The following CAMTA2 variants were observed in gnomAD, a reference collection of about 807,000 sequenced individuals.
CAMTA2 encodes the protein calmodulin binding transcription activator 2, also known as calmodulin-binding transcription activator 2.
In CAMTA2, 56 loss-of-function variants were observed where a neutral mutation model predicts 135.7. The ratio of observed to expected loss-of-function variants is 0.41; its 90% CI spans 0.33 to 0.52. The LOEUF is 0.52. Among genes scored for constraint, CAMTA2 ranks in the 20% least tolerant of loss-of-function variants. The pLI, the probability that CAMTA2 is intolerant of heterozygous loss-of-function variation, is 0.16. For missense variants in CAMTA2, 1,358 were observed against 1,553.4 expected, an observed-to-expected ratio of 0.87 and a Z score of 2.11; for synonymous variants, 591 against 604.6, an observed-to-expected ratio of 0.98 and a Z score of 0.33.
chr17:4,986,484 G>A (rs2286010), intron 1 of CAMTA2, 198 bp from the exon 2 acceptor site: 31,972 of 562,692 alleles, frequency 0.057, 1,617 homozygotes, highest in East Asian at 0.22. Context: ...TGAGCAGACT[G>A]GACAGGAAGA....
Position 4,970,340 on chromosome 17 carries a change from C to T in CAMTA2, c.3005G>A (p.Ser1002Asn). Residue 1002 changes from serine (S) to asparagine (N), a missense_variant and splice_region_variant, in exon 17 of 23, where the codon AGC becomes AAC. Ser to Asn is a conservative substitution (Grantham distance 46). Coordinates refer to ENST00000348066, the MANE Select transcript of CAMTA2 (RefSeq NM_015099.4). ...VDHFPSSTPP[S>N]ELPFERGRLA... ...GGAGGCTTTGTCCTGAGCTAGTCAC[C>T]TGGGAGGGGTTGAGCTGGGGAAATG... The T allele has an allele frequency of 6.2e-7, 1 of 1,614,172 alleles. No homozygotes were observed. The highest frequency in any genetic ancestry group is 8.5e-7 in the Non-Finnish European group (1 of 1,179,998).
intron 1 of CAMTA2, chr17:4,986,960 T>C: frequency 6.6e-7 from 1 of 1,513,104 alleles, no homozygotes; most frequent in Non-Finnish European, 8.8e-7. Context: ...CTACCCCATC[T>C]ACCGCTCTGG....
intron 1 of CAMTA2, chr17:4,987,226 G>A (rs1399019830): frequency 7.5e-7 from 1 of 1,341,516 alleles, no homozygotes; most frequent in Non-Finnish European, 9.5e-7. Context: ...CGGACGCTTG[G>A]CACTCTGGGC....
Position 4,968,676 on chromosome 17 carries a change from C to A in CAMTA2, c.*80G>T. ...TGAACAGGAAAGCTGCCGACAGGGG[C>A]TCCCCCTGCCCCAGAAAGCCCTCTC... On this transcript the variant is annotated 3_prime_UTR_variant, in exon 23 of 23. Transcript: ENST00000348066. 6.5e-7 allele frequency: 1 copy of A among 1,537,454 alleles called. No individual in the cohort carries two copies. The highest frequency in any genetic ancestry group is 8.9e-7 in the Non-Finnish European group (1 of 1,117,952).
In CAMTA2 at chr17:4,972,402, C is replaced by T. The variant is rs961833349; in HGVS notation, c.2638G>A (p.Ala880Thr). ...PASEMTMEDM[A>T]PGQLSSGVPE... ...ACACCAGAGGAAAGCTGGCCTGGGGCCATGTCCTCCATAGTCATCTCAGAG... is the reference window on the plus strand; with the variant it reads ...ACACCAGAGGAAAGCTGGCCTGGGGTCATGTCCTCCATAGTCATCTCAGAG... The change falls in exon 16 of 23, where the codon GCC becomes ACC. Residue 880 changes from alanine (A) to threonine (T), a missense_variant. Around this residue, in one of 4 missense-constraint regions of CAMTA2, gnomAD observed 1,077 missense variants for 1,127.5 expected, o/e 0.96. Transcript: ENST00000348066. 4.3e-6 allele frequency: 7 copies of T among 1,613,964 alleles called. No individual in the cohort carries two copies. The highest frequency in any genetic ancestry group is 5.9e-6 in the Non-Finnish European group (7 of 1,180,004).
At position 4,968,605 on chromosome 17, in the gene CAMTA2, A is replaced by G; in HGVS notation, c.*151T>C. On this transcript the variant is annotated 3_prime_UTR_variant, in exon 23 of 23. Coordinates refer to ENST00000348066, the MANE Select transcript of CAMTA2 (RefSeq NM_015099.4). ...GGACGAGGAGAGGGGTGTGGGAGCA[A>G]GGCGTGGGGAGGAGGGAGGAGGCCT... The G allele has an allele frequency of 1.3e-6, 1 of 763,764 alleles. No individual in the cohort carries two copies. Among genetic ancestry groups the G allele is most frequent in the Non-Finnish European group, 2.2e-6 (1 of 458,648 alleles). The allele number at this position is 763,764 out of a possible 1,614,324, so 47.3% of individuals were successfully genotyped here. A position where few individuals can be genotyped will look rare whatever the true frequency, so the allele number is the denominator to read the frequency against.
Position 4,980,358 on chromosome 17 carries a change from C to T in CAMTA2, c.964G>A (p.Gly322Ser). Residue 322 changes from glycine to serine, a missense_variant, in exon 9 of 23, where the codon GGC (glycine) becomes AGC (serine). Around this residue, in one of 4 missense-constraint regions of CAMTA2, gnomAD observed 1,077 missense variants for 1,127.5 expected, o/e 0.96. Coordinates refer to ENST00000348066, the MANE Select transcript of CAMTA2 (RefSeq NM_015099.4). The surrounding 1 kb of genome is among the most constrained non-coding windows in gnomAD (Gnocchi z 5.3). ...PTSRGGSSRG[G>S]TAILLLTGLE... ...CCTGTCAGGAGGAGGATAGCAGTGC[C>T]TCCTCTTGAAGAACCCCCTCGAGAA... is the stretch of plus-strand genomic sequence containing the variant. 6.2e-7 allele frequency: 1 copy of T among 1,614,104 alleles called. No individual in the cohort carries two copies. The highest frequency in any genetic ancestry group is 2.2e-5 in the East Asian group (1 of 44,866).
At position 4,969,366 on chromosome 17, in the gene CAMTA2, C is replaced by T. The variant is rs576629612; in HGVS notation, c.3283-29G>A. ...CAGGGGTGGGGAGGAGGGACAGGGG[C>T]TGAAATAGAGGGACGGAGACCCAAA... On this transcript the variant is annotated intron_variant, in intron 20 of 22. Coordinates refer to ENST00000348066, the MANE Select transcript of CAMTA2 (RefSeq NM_015099.4). The surrounding 1 kb of genome is among the most constrained non-coding windows in gnomAD (Gnocchi z 5.6). 6.2e-7 allele frequency: 1 copy of T among 1,612,448 alleles called. No homozygotes were observed. Among genetic ancestry groups the T allele is most frequent in the South Asian group, 1.1e-5 (1 of 91,032 alleles).
intron 3 of CAMTA2, 67 bp downstream of exon 3, chr17:4,985,813 C>T (rs1470491384): frequency 2.1e-6 from 2 of 956,102 alleles, no homozygotes; most frequent in Non-Finnish European, 3.4e-6. Flanking sequence ...ACGGAAAGAC[C>T]CCCCACTCAC....
In CAMTA2 at chr17:4,980,225, G is replaced by A. The variant is rs1017260468; in HGVS notation, c.1097C>T (p.Ala366Val). 5.7e-6 allele frequency: 9 copies of A among 1,576,646 alleles called. No homozygotes were observed. In the Admixed American group the frequency reaches 1.2e-4, roughly 22 times the overall value. The change falls in exon 9 of 23, where the codon GCC becomes GTC. Residue 366 changes from alanine to valine, a missense_variant. Transcript: ENST00000348066. The surrounding 1 kb of genome is among the most constrained non-coding windows in gnomAD (Gnocchi z 5.3). ...GGCAGGACTGGGAGGAGCTGGTGGG[G>A]CAGAAGGCTCAGTGCCTACAACCAC... ...LAVVVGTEPS[A>V]PPAPPSPAFD... is the part of the protein sequence containing the mutation.
Position 4,973,230 on chromosome 17 carries a change from T to G in CAMTA2, c.2225A>C (p.Asp742Ala). 1 of 1,613,836 alleles carries G rather than the reference T, an allele frequency of 6.2e-7. No individual in the cohort carries two copies. Among genetic ancestry groups the G allele is most frequent in the South Asian group, 1.1e-5 (1 of 91,072 alleles). The stretch of plus-strand genomic sequence containing the variant: ...GAGCGGGTCAACCTCCTGCTCTAAG[T>G]CCAAGCTTCCAGTCTCCACACTCCT... The part of the protein sequence containing the change: ...QWRSVETGSL[D>A]LEQEVDPLNV... Residue 742 changes from aspartate to alanine, a missense_variant, in exon 14 of 23, where the codon GAC (aspartate) becomes GCC (alanine). Asp to Ala is a moderately radical substitution (Grantham distance 126). Coordinates refer to ENST00000348066, the MANE Select transcript of CAMTA2 (RefSeq NM_015099.4).
At chr17:4,983,148 C>T in intron 3 of CAMTA2, 105 bp from the exon 4 acceptor site, 2 of 952,696 alleles carry the variant, frequency 2.1e-6, no homozygotes, top group Non-Finnish European at 3.4e-6. Flanking sequence ...GTTCTGGCAG[C>T]TAGTGGAGGA....
At chr17:4,975,065 TCTC>T (rs1042773872) in intron 11 of CAMTA2, among the ~76,000 whole-genome samples, 2 of 151,816 alleles carry the variant, frequency 1.3e-5, no homozygotes, top group East Asian at 1.9e-4. Context: ...CATGTCCATT[TCTC>T]CTCCTCCTCC....
rs1252147495 is a variant in CAMTA2, at chr17:4,968,071, A to G, written c.*685T>C. On this transcript the variant is annotated 3_prime_UTR_variant, in exon 23 of 23. Transcript: ENST00000348066. ...AGTAGAAAGTGCCCGTGGAGCCGGC[A>G]GGAGGCCCCCGCCGCGCTAGAGAAC... 5.9e-6 allele frequency: 3 copies of G among 512,584 alleles called. No homozygotes were observed. Among genetic ancestry groups the G allele is most frequent in the African/African-American group, 5.8e-5 (3 of 51,944 alleles). 31.8% of individuals were successfully genotyped at this position (512,584 alleles called of 1,614,324 possible).
chr17:4,969,429 C>G lies in CAMTA2; in HGVS notation c.3282+71G>C. 1 of 1,608,512 alleles carries G rather than the reference C, an allele frequency of 6.2e-7. No homozygotes were observed. The highest frequency in any genetic ancestry group is 8.5e-7 in the Non-Finnish European group (1 of 1,174,950). ...ACCCAAGTTAGGCTGATGCAAGACT[C>G]TCTGTAACCCACACACTCAAGGAAA... On this transcript the variant is annotated intron_variant, in intron 20 of 22. Transcript: ENST00000348066. The surrounding 1 kb of genome is among the most constrained non-coding windows in gnomAD (Gnocchi z 5.6).
chr17:4,987,497 C>T (rs1316986215), intron 1 of CAMTA2, 96 bp downstream of exon 1: 2 of 1,424,532 alleles, frequency 1.4e-6, no homozygotes, highest in African/African-American at 1.5e-5. Flanking sequence ...GGAAGAGGGA[C>T]GGTGGTCCCT....
rs1176769570 is a variant in CAMTA2 at position 4,985,978 on chromosome 17, T to C, written c.37A>G (p.Ser13Gly). Residue 13 changes from serine to glycine, a missense_variant, in exon 3 of 23, where the codon AGC (serine) becomes GGC (glycine). Physicochemically the swap from Ser to Gly is moderately conservative, Grantham distance 56 (BLOSUM62 0). Transcript: ENST00000348066. The stretch of plus-strand genomic sequence containing the variant: ...GGGAGAAAGATCTTCAGGTGGTGGC[T>C]GTTTTCTAAAGGGAATTAGAAGGGA... Reference protein sequence around the residue: ...TKDTTEVAENSHHLKIFLPKK... With the variant: ...TKDTTEVAENGHHLKIFLPKK... 3 of 1,612,346 alleles carry C rather than the reference T, an allele frequency of 1.9e-6. No homozygotes were observed. Among genetic ancestry groups the C allele is most frequent in the Admixed American group, 1.7e-5 (1 of 59,986 alleles).
intron 5 of CAMTA2, 73 bp downstream of exon 5, chr17:4,982,684 G>A (rs1597773479): frequency 1.3e-6 from 2 of 1,545,120 alleles, no homozygotes; most frequent in Non-Finnish European, 1.8e-6. Context: ...CCAAGCCCAG[G>A]TCGGGCTAGA....
chr17:4,981,073 G>A, intron 8 of CAMTA2, 152 bp downstream of exon 8: 2 of 964,098 alleles, frequency 2.1e-6, no homozygotes, highest in Non-Finnish European at 3.2e-6. Context: ...GCACCCAGAT[G>A]GGAACGTCTG....
Sources: allele counts gnomAD v4.1 joint callset (sites outside exome capture counted in the v4.1 genomes callset), GRCh38; gene constraint gnomAD v4.1.1; regional missense constraint gnomAD v4.1.1; non-coding constraint Gnocchi (gnomAD v3.1); transcripts MANE v1.5; gene names NCBI Gene and HGNC (gene_info 2026-07-23, HGNC 2026-07-21).